ILF2: variants seen among roughly 807,000 people sequenced by gnomAD.
ILF2 encodes the protein interleukin enhancer binding factor 2.
ILF2 carries 9 observed loss-of-function variants against 55.3 expected under a neutral mutation model. The ratio of observed to expected loss-of-function variants is 0.16; its 90% CI spans 0.10 to 0.28. The LOEUF is 0.28. Among genes scored for constraint, ILF2 ranks in the 10% least tolerant of loss-of-function variants. The pLI is 1.00. For missense variants in ILF2, 266 were observed against 474.9 expected, an observed-to-expected ratio of 0.56 and a Z score of 4.09; for synonymous variants, 151 against 161.8, an observed-to-expected ratio of 0.93 and a Z score of 0.50.
intron 6 of ILF2, among the ~76,000 whole-genome samples, chr1:153,666,860 G>A (rs563610848): frequency 1.1e-4 from 17 of 152,288 alleles, no homozygotes; most frequent in African/African-American, 4.1e-4. Context: ...AGTGGCTCAC[G>A]CCTGTAATCC....
Position 153,670,983 on chromosome 1 carries a change from C to G in ILF2, c.-61G>C, listed in dbSNP as rs1264668768. On this transcript the variant is annotated 5_prime_UTR_variant, in exon 1 of 14. Transcript: ENST00000361891. ...ACCGCCCCTTCCTCTGAGTAGCAGACAACTGAAGAGGCGTCTTGCCGGCGT... is the reference window on the plus strand; with the variant it reads ...ACCGCCCCTTCCTCTGAGTAGCAGAGAACTGAAGAGGCGTCTTGCCGGCGT... The G allele has an allele frequency of 6.2e-7, 1 of 1,610,174 alleles. No individual in the cohort carries two copies. Among genetic ancestry groups the G allele is most frequent in the Admixed American group, 1.7e-5 (1 of 59,998 alleles).
In ILF2 at chr1:153,662,442, T is replaced by G; in HGVS notation, c.1127A>C (p.Glu376Ala). 6.2e-7 allele frequency: 1 copy of G among 1,612,962 alleles called. No homozygotes were observed. The highest frequency in any genetic ancestry group is 8.5e-7 in the Non-Finnish European group (1 of 1,178,924). ...TTCTTCTTCCTCTCCTTGAGGTGGT[T>G]CTTCTGTATTCTCCTCTTCTTCCTC... Reference protein sequence around the residue: ...EGEEEEENTEEPPQGEEEESM... With the variant: ...EGEEEEENTEAPPQGEEEESM... The change falls in exon 14 of 14, where the codon GAA becomes GCA. Residue 376 changes from glutamate (E) to alanine (A), a missense_variant. Coordinates refer to ENST00000361891, the MANE Select transcript of ILF2 (RefSeq NM_004515.4).
At position 153,664,487 on chromosome 1, in the gene ILF2, G is replaced by C; in HGVS notation, c.578-13C>G. 6.3e-7 allele frequency: 1 copy of C among 1,594,650 alleles called. No homozygotes were observed. Among genetic ancestry groups the C allele is most frequent in the South Asian group, 1.1e-5 (1 of 90,722 alleles). ...ACTTTGATATCCACTAAAAAGACAA[G>C]CATGATATGCCAGGATGAAACATTT... On this transcript the variant is annotated splice_polypyrimidine_tract_variant and intron_variant, in intron 8 of 13. Coordinates refer to ENST00000361891, the MANE Select transcript of ILF2 (RefSeq NM_004515.4).
At chr1:153,666,834 T>G (rs55772653) in intron 6 of ILF2, among the ~76,000 whole-genome samples, 6 of 152,064 alleles carry the variant, frequency 3.9e-5, no homozygotes, top group Non-Finnish European at 4.4e-5. Context: ...TAAAAAACAT[T>G]TGTCAGGCAG....
At position 153,670,211 on chromosome 1, in the gene ILF2, G is replaced by A; in HGVS notation, c.25C>T (p.Arg9Cys). Reference protein sequence around the residue: MRGDRGRGRGGRFGSRGGP... With the variant: MRGDRGRGCGGRFGSRGGP... ...CCTCTGGAACCAAAGCGCCCACCAC[G>A]ACCACGGCCTCTGTCACCCCTAGAA... Residue 9 changes from arginine (R) to cysteine (C), a missense_variant, in exon 2 of 14, where the codon CGT becomes TGT. Transcript: ENST00000361891. The A allele has an allele frequency of 6.2e-7, 1 of 1,613,870 alleles. No individual in the cohort carries two copies. Among genetic ancestry groups the A allele is most frequent in the South Asian group, 1.1e-5 (1 of 91,032 alleles).
At chr1:153,666,127 C>T (rs570174685) in intron 6 of ILF2, among the ~76,000 whole-genome samples, 1 of 152,262 alleles carries the variant, frequency 6.6e-6, no homozygotes, top group East Asian at 1.9e-4. Flanking sequence ...CAGCTCACTG[C>T]AGCCTCAGCC....
Position 153,662,331 on chromosome 1 carries a change from G to A in ILF2, c.*65C>T. 4 of 1,602,900 alleles carry A rather than the reference G, an allele frequency of 2.5e-6. No individual in the cohort carries two copies. The highest frequency in any genetic ancestry group is 3.4e-6 in the Non-Finnish European group (4 of 1,174,516). ...ACGGAAATGTCTGTCACCATGTAAAGCCCAGTAGCAGGCAGCTTAGGCTCC... is the reference window on the plus strand; with the variant it reads ...ACGGAAATGTCTGTCACCATGTAAAACCCAGTAGCAGGCAGCTTAGGCTCC... On this transcript the variant is annotated 3_prime_UTR_variant, in exon 14 of 14. Transcript: ENST00000361891.
rs150924294 is a variant in ILF2 at position 153,667,264 on chromosome 1, G to A, written c.394+291C>T. The A allele has an allele frequency of 2.5e-3, 1,216 of 479,430 alleles. 15 individuals are homozygous for A. The highest frequency in any genetic ancestry group is 0.021 in the African/African-American group (1,062 of 51,284). 29.7% of individuals were successfully genotyped at this position (479,430 alleles called of 1,614,324 possible). A position where few individuals can be genotyped will look rare whatever the true frequency, so the allele number is the denominator to read the frequency against. On this transcript the variant is annotated intron_variant, in intron 6 of 13. Coordinates refer to ENST00000361891, the MANE Select transcript of ILF2 (RefSeq NM_004515.4). ...AGGCTGAGGTGGGCAGATTGCTTGA[G>A]CTCAGGAGTTTGAGACCAGCCCGAG...
chr1:153,662,729 G>C lies in ILF2; in HGVS notation c.988C>G (p.Leu330Val). 6.2e-7 allele frequency: 1 copy of C among 1,614,152 alleles called. No individual in the cohort carries two copies. The highest frequency in any genetic ancestry group is 8.5e-7 in the Non-Finnish European group (1 of 1,179,996). Residue 330 changes from leucine (L) to valine (V), a missense_variant, in exon 13 of 14, where the codon CTT becomes GTT. Leu to Val is a conservative substitution (Grantham distance 32). Coordinates refer to ENST00000361891, the MANE Select transcript of ILF2 (RefSeq NM_004515.4). ...ILSHGGFRKI[L>V]GQEGDASYLA... ...CAGCTGGCATCACCCTCCTGGCCAA[G>C]GATCTTCCTAAAGCCACCATGTGAG... is the stretch of plus-strand genomic sequence containing the variant.
Position 153,663,272 on chromosome 1 carries a change from T to C in ILF2, c.749A>G (p.His250Arg). ...LTPWILDLLG[H>R]YAVMNNPTRQ... ...GGTGGGGTTGTTCATCACAGCATAA[T>C]GGCCCTGAAAAATAATAAATCCAGT... Residue 250 changes from histidine to arginine, a missense_variant, in exon 11 of 14, where the codon CAT becomes CGT. His to Arg is a conservative substitution (Grantham distance 29, BLOSUM62 0). Coordinates refer to ENST00000361891, the MANE Select transcript of ILF2 (RefSeq NM_004515.4). The C allele has an allele frequency of 6.2e-7, 1 of 1,614,186 alleles. No homozygotes were observed. Among genetic ancestry groups the C allele is most frequent in the Non-Finnish European group, 8.5e-7 (1 of 1,180,006 alleles).
At chr1:153,670,084 G>T in intron 2 of ILF2, 87 bp downstream of exon 2, 1 of 1,408,386 alleles carries the variant, frequency 7.1e-7, no homozygotes, top group Non-Finnish European at 1.0e-6. Context: ...GCAAAACCAA[G>T]TGACATTAGT....
intron 4 of ILF2, 60 bp downstream of exon 4, chr1:153,668,393 C>G: frequency 6.3e-7 from 1 of 1,597,198 alleles, no homozygotes; most frequent in Non-Finnish European, 8.6e-7. Context: ...AACAGTTACT[C>G]TTTACCAATA....
In ILF2 at chr1:153,665,203, GA is replaced by G. The variant is rs753232413; in HGVS notation, c.577+16del. 3.9e-5 allele frequency: 56 copies of G among 1,438,970 alleles called. No individual in the cohort carries two copies. The highest frequency in any genetic ancestry group is 4.9e-5 in the Non-Finnish European group (50 of 1,022,576). The allele number at this position is 1,438,970 out of a possible 1,614,324, so 89.1% of individuals were successfully genotyped here. A position where few individuals can be genotyped will look rare whatever the true frequency, so the allele number is the denominator to read the frequency against. ...ATATCCCCTAAATTTTCCAGCAATGGAAAAAAAAGAACTAACAATGGAGTTC... is the reference window on the plus strand; with the variant it reads ...ATATCCCCTAAATTTTCCAGCAATGGAAAAAAAGAACTAACAATGGAGTTC... On this transcript the variant is annotated intron_variant, in intron 8 of 13. Transcript: ENST00000361891.
Position 153,670,196 on chromosome 1 carries a change from C to G in ILF2, c.40G>C (p.Gly14Arg), listed in dbSNP as rs201596806. 1 of 1,614,106 alleles carries G rather than the reference C, an allele frequency of 6.2e-7. No individual in the cohort carries two copies. The highest frequency in any genetic ancestry group is 8.5e-7 in the Non-Finnish European group (1 of 1,180,012). Residue 14 changes from glycine (G) to arginine (R), a missense_variant, in exon 2 of 14, where the codon GGT becomes CGT. Transcript: ENST00000361891. ...CCTCCTCCTGGGCCTCCTCTGGAAC[C>G]AAAGCGCCCACCACGACCACGGCCT... The part of the protein sequence containing the change: ...DRGRGRGGRF[G>R]SRGGPGGGFR...
intron 9 of ILF2, 69 bp downstream of exon 9, chr1:153,664,327 T>G: frequency 1.6e-6 from 2 of 1,285,966 alleles, no homozygotes; most frequent in South Asian, 2.4e-5. Flanking sequence ...AGAGGAAGTA[T>G]GGGGGTATCC....
At chr1:153,665,408 G>T in intron 7 of ILF2, 72 bp from the exon 8 acceptor site, 1 of 1,019,516 alleles carries the variant, frequency 9.8e-7, no homozygotes, top group Non-Finnish European at 1.6e-6. Context: ...TCCAGGGTGG[G>T]GGGGAACAGG....
intron 6 of ILF2, chr1:153,667,351 A>G: frequency 3.3e-6 from 2 of 605,352 alleles, no homozygotes; most frequent in Non-Finnish European, 5.9e-6. Flanking sequence ...GGTAGCACAC[A>G]TCTGTAGTCC....
chr1:153,670,991 G>A lies in ILF2; in HGVS notation c.-69C>T. 1.3e-6 allele frequency: 2 copies of A among 1,597,446 alleles called. No homozygotes were observed. The highest frequency in any genetic ancestry group is 8.6e-7 in the Non-Finnish European group (1 of 1,164,804). On this transcript the variant is annotated 5_prime_UTR_variant, in exon 1 of 14. Transcript: ENST00000361891. ...TTCCTCTGAGTAGCAGACAACTGAA[G>A]AGGCGTCTTGCCGGCGTGTCCCAAT...
In ILF2 at chr1:153,662,118, G is replaced by T; in HGVS notation, c.*278C>A. 3.0e-6 allele frequency: 1 copy of T among 331,070 alleles called. No homozygotes were observed. Among genetic ancestry groups the T allele is most frequent in the Non-Finnish European group, 5.5e-6 (1 of 181,114 alleles). The allele number at this position is 331,070 out of a possible 1,614,324, so 20.5% of individuals were successfully genotyped here. On this transcript the variant is annotated 3_prime_UTR_variant, in exon 14 of 14. Coordinates refer to ENST00000361891, the MANE Select transcript of ILF2 (RefSeq NM_004515.4). ...CATTTCACAACATTTCAACAGCAAA[G>T]TATTAGTTGAGAGAGGGGTTTTCAG...
Sources: gnomAD v4.1 joint callset for allele counts (sites outside exome capture counted in the v4.1 genomes callset) on GRCh38, gnomAD v4.1.1 for gene constraint, MANE v1.5 for transcripts, NCBI Gene and HGNC (gene_info 2026-07-23, HGNC 2026-07-21) for gene names.